CTIF: variants seen among roughly 807,000 people sequenced by gnomAD.
CTIF encodes the protein CBP80/20-dependent translation initiation factor.
In CTIF, 21 loss-of-function variants were observed where a neutral mutation model predicts 66.0. The observed-to-expected ratio is 0.32, with a 90% CI of 0.23 to 0.46. The LOEUF is 0.46. Ranked by LOEUF, CTIF falls within the 20% of genes least tolerant of loss-of-function variation. The pLI is 1.00. For missense variants in CTIF, 739 were observed against 812.7 expected (o/e 0.91, Z 1.10); for synonymous variants, 345 against 326.4 (o/e 1.06, Z -0.62).
At chr18:48,778,587 G>A (rs1910909759) in intron 9 of CTIF, among the ~76,000 whole-genome samples, 1 of 151,998 alleles carries the variant, frequency 6.6e-6, no homozygotes, top group South Asian at 2.1e-4. Flanking sequence ...GGTGTGCCCT[G>A]GGCACCCCAT....
At chr18:48,575,705 C>G (rs1027145982) in intron 1 of CTIF, among the ~76,000 whole-genome samples, 1 of 152,212 alleles carries the variant, frequency 6.6e-6, no homozygotes, top group Non-Finnish European at 1.5e-5. Context: ...AGACCGGGGC[C>G]GTCCTAAAGC....
chr18:48,754,899 T>C (rs897441885), intron 7 of CTIF, among the ~76,000 whole-genome samples: 1 of 152,276 alleles, frequency 6.6e-6, no homozygotes, highest in Non-Finnish European at 1.5e-5. Context: ...AGGAGCCAGC[T>C]GATTTCTTTC....
intron 3 of CTIF, among the ~76,000 whole-genome samples, chr18:48,640,549 G>T (rs572272459): frequency 3.3e-4 from 50 of 152,344 alleles, no homozygotes; most frequent in Non-Finnish European, 5.9e-5. Flanking sequence ...CACCCGTGGG[G>T]ACAATTAGTT....
intron 9 of CTIF, among the ~76,000 whole-genome samples, chr18:48,784,783 T>C (rs560373831): frequency 6.6e-6 from 1 of 152,246 alleles, no homozygotes; most frequent in African/African-American, 2.4e-5. Context: ...GGACTACCTG[T>C]AGAGCAGTTA....
chr18:48,739,347 G>A (rs751414462), intron 7 of CTIF, among the ~76,000 whole-genome samples: 1 of 152,226 alleles, frequency 6.6e-6, no homozygotes, highest in African/African-American at 2.4e-5. Context: ...ATGCACTCCC[G>A]TGTCGTGGCC....
At chr18:48,697,345 C>T (rs548283631) in intron 6 of CTIF, among the ~76,000 whole-genome samples, 1 of 152,326 alleles carries the variant, frequency 6.6e-6, no homozygotes, top group African/African-American at 2.4e-5. Flanking sequence ...ACCATTCAGA[C>T]AGCAGGATGG....
intron 1 of CTIF, among the ~76,000 whole-genome samples, chr18:48,614,200 G>A (rs537012706): frequency 1.3e-4 from 20 of 152,258 alleles, no homozygotes; most frequent in Admixed American, 3.9e-4. Flanking sequence ...ATGAGACACT[G>A]AGCCAGGCTG....
chr18:48,582,486 T>G, intron 1 of CTIF, among the ~76,000 whole-genome samples: 1 of 152,146 alleles, frequency 6.6e-6, no homozygotes, highest in East Asian at 1.9e-4. Flanking sequence ...CTTTGTTGCC[T>G]GCATAGGACC....
At chr18:48,592,497 C>CA (rs34825594) in intron 1 of CTIF, among the ~76,000 whole-genome samples, 29,595 of 117,410 alleles carry the variant, frequency 0.25, 3,366 homozygotes, top group South Asian at 0.3. Context: ...AACCCTGTCT[C>CA]AAAAAAAAAA....
chr18:48,624,140 C>CTCCCCATGCTTGACACCACGCCCA (rs1357132782), intron 2 of CTIF, among the ~76,000 whole-genome samples: 1 of 150,796 alleles, frequency 6.6e-6, no homozygotes, highest in African/African-American at 2.4e-5. Flanking sequence ...CACCACGCCC[C>CTCCCCATGCTTGACACCACGCCCA]TCCCCATGCT....
chr18:48,558,739 G>A (rs2089080166), intron 1 of CTIF, among the ~76,000 whole-genome samples: 1 of 152,142 alleles, frequency 6.6e-6, no homozygotes, highest in South Asian at 2.1e-4. Context: ...AAACTTCTCA[G>A]CTGGCACCTG....
chr18:48,778,838 G>A (rs553305960), intron 9 of CTIF, among the ~76,000 whole-genome samples: 3 of 152,306 alleles, frequency 2.0e-5, no homozygotes, highest in South Asian at 4.1e-4. Context: ...GCACCGCATC[G>A]GGACACATCA....
At position 48,743,604 on chromosome 18, in the gene CTIF, A is replaced by C. The variant is rs77249093; in HGVS notation, c.585-14315A>C. Among the ~76,000 whole-genome samples, 1,372 of 152,356 alleles carry C rather than the reference A, an allele frequency of 9.0e-3. 28 individuals carry two copies. Among genetic ancestry groups the C allele is most frequent in the African/African-American group, 0.031 (1,291 of 41,582 alleles). ...TTGCTTTTACAACTCGTTTACAATAAATGAAGAAGAATGCATCACTTGATA... is the reference window on the plus strand; with the variant it reads ...TTGCTTTTACAACTCGTTTACAATACATGAAGAAGAATGCATCACTTGATA... On this transcript the variant is annotated intron_variant, in intron 7 of 11. Coordinates refer to ENST00000256413, the MANE Select transcript of CTIF (RefSeq NM_014772.3).
At chr18:48,812,156 G>T (rs577534025) in intron 9 of CTIF, among the ~76,000 whole-genome samples, 2 of 152,114 alleles carry the variant, frequency 1.3e-5, no homozygotes, top group Non-Finnish European at 2.9e-5. Flanking sequence ...TAGAGGCGGG[G>T]TTTCACCATG....
intron 1 of CTIF, among the ~76,000 whole-genome samples, chr18:48,557,246 A>T (rs1008730944): frequency 6.6e-6 from 1 of 152,144 alleles, no homozygotes; most frequent in African/African-American, 2.4e-5. Context: ...AGACCTGGAA[A>T]TTCACAGGTG....
At chr18:48,802,594 G>A (rs2068069940) in intron 9 of CTIF, among the ~76,000 whole-genome samples, 1 of 152,254 alleles carries the variant, frequency 6.6e-6, no homozygotes, top group East Asian at 1.9e-4. Flanking sequence ...GCTGCTGTGT[G>A]GGGCAGAGCC....
chr18:48,573,093 A>G (rs544995232), intron 1 of CTIF, among the ~76,000 whole-genome samples: 1 of 152,150 alleles, frequency 6.6e-6, no homozygotes, highest in Non-Finnish European at 1.5e-5. Flanking sequence ...GGTAGCCAAC[A>G]TGTGGCTGAA....
intron 10 of CTIF, among the ~76,000 whole-genome samples, chr18:48,837,448 G>A (rs2068837900): frequency 6.6e-6 from 1 of 152,118 alleles, no homozygotes; most frequent in Non-Finnish European, 1.5e-5. Context: ...TGGCCTGGGA[G>A]CTGGGGAGGG....
rs557673447 is a variant in CTIF at position 48,661,026 on chromosome 18, G to C, written c.253-2726G>C. ...GTCTTTCAGCCACAGAGGCAGTAGG[G>C]TCGTGCTTCCTCCTGTTACAAAGTG... On this transcript the variant is annotated intron_variant, in intron 3 of 11. Coordinates refer to ENST00000256413, the MANE Select transcript of CTIF (RefSeq NM_014772.3). Among the ~76,000 whole-genome samples the C allele has an allele frequency of 1.7e-4, 26 of 152,348 alleles. No homozygotes were observed. In the South Asian group the frequency reaches 4.8e-3, roughly 28 times the overall value.
Sources: allele counts gnomAD v4.1 joint callset (sites outside exome capture counted in the v4.1 genomes callset), GRCh38; gene constraint gnomAD v4.1.1; transcripts MANE v1.5; gene names NCBI Gene and HGNC (gene_info 2026-07-23, HGNC 2026-07-21).